The following TRAK1 variants were observed in gnomAD, a reference collection of about 807,000 sequenced individuals.
TRAK1 encodes the protein trafficking kinesin-binding protein 1.
A neutral mutation model predicts 92.1 loss-of-function variants in TRAK1; 33 were observed. That is an observed-to-expected ratio of 0.36 (90% CI 0.27 to 0.48). The LOEUF (loss-of-function observed/expected upper bound fraction) is 0.48, where lower values mean the gene tolerates loss of function less well. TRAK1 is among the 20% of genes least tolerant of loss of function. The pLI, the probability that TRAK1 is intolerant of heterozygous loss-of-function variation, is 0.99. For synonymous variants in TRAK1, 521 were observed against 517.3 expected, an observed-to-expected ratio of 1.01 and a Z score of -0.10; for missense variants, 1,123 against 1,257.9, an observed-to-expected ratio of 0.89 and a Z score of 1.62.
intron 14 of TRAK1, among the ~76,000 whole-genome samples, chr3:42,216,908 T>G (rs1164733177): frequency 2.0e-5 from 3 of 152,118 alleles, no homozygotes; most frequent in African/African-American, 7.2e-5. Context: ...TCCAAGAAAC[T>G]CTATCCTTTG....
intron 1 of TRAK1, among the ~76,000 whole-genome samples, chr3:42,064,094 C>G (rs1441585419): frequency 6.6e-6 from 1 of 152,148 alleles, no homozygotes. Context: ...CATGCCCAGC[C>G]CTTATTACTA....
chr3:42,138,155 A>G (rs901203274), intron 2 of TRAK1, among the ~76,000 whole-genome samples: 3 of 152,210 alleles, frequency 2.0e-5, no homozygotes, highest in African/African-American at 7.2e-5. Context: ...GTGATAATGT[A>G]GGAACATCTT....
At chr3:42,154,286 C>T (rs558189342) in intron 2 of TRAK1, among the ~76,000 whole-genome samples, 21 of 152,196 alleles carry the variant, frequency 1.4e-4, no homozygotes, top group African/African-American at 2.2e-4. Context: ...GATTCTCCTG[C>T]CTCAACCTCC....
intron 1 of TRAK1, among the ~76,000 whole-genome samples, chr3:42,071,654 G>A (rs1453955506): frequency 2.0e-5 from 3 of 151,570 alleles, no homozygotes; most frequent in African/African-American, 4.9e-5. Context: ...GTTGCAGTGA[G>A]CTGAGATCGC....
chr3:42,222,949 T>G lies in TRAK1; in HGVS notation c.2074T>G (p.Ser692Ala). 6.2e-7 allele frequency: 1 copy of G among 1,612,604 alleles called. No individual in the cohort carries two copies. The highest frequency in any genetic ancestry group is 8.5e-7 in the Non-Finnish European group (1 of 1,178,900). The change falls in exon 16 of 16, where the codon TCA becomes GCA. Residue 692 changes from serine to alanine, a missense_variant. Physicochemically the swap from Ser to Ala is moderately conservative, Grantham distance 99. Around this residue, in one of 3 missense-constraint regions of TRAK1, gnomAD observed 401 missense variants for 438.9 expected, o/e 0.91. Transcript: ENST00000327628. ...ELTRVTPSLN[S>A]APTPACGSTS... ...TGTCATTTCTTCTTTCAGCCTTAAC[T>G]CAGCCCCAACTCCAGCTTGTGGCAG...
intron 1 of TRAK1, among the ~76,000 whole-genome samples, chr3:42,018,950 C>T (rs549565653): frequency 3.6e-4 from 54 of 152,074 alleles, no homozygotes; most frequent in African/African-American, 1.2e-3. Context: ...GGTGAAACCC[C>T]GTCTCTATTA....
At chr3:42,113,005 A>G (rs962350221) in intron 1 of TRAK1, among the ~76,000 whole-genome samples, 1 of 152,096 alleles carries the variant, frequency 6.6e-6, no homozygotes, top group Admixed American at 6.5e-5. Context: ...TCCTAGGCTC[A>G]AGTGATCCTC....
chr3:42,123,420 C>T (rs1384921803), intron 1 of TRAK1, among the ~76,000 whole-genome samples: 1 of 151,528 alleles, frequency 6.6e-6, no homozygotes, highest in Non-Finnish European at 1.5e-5. Context: ...CAGTGAATCC[C>T]TGGCCCTGGC....
chr3:42,220,511 G>C (rs563245949), intron 15 of TRAK1: 2 of 985,340 alleles, frequency 2.0e-6, no homozygotes, highest in Non-Finnish European at 1.2e-6. Context: ...CATGTGAGGA[G>C]GACGACGAAG....
intron 1 of TRAK1, among the ~76,000 whole-genome samples, chr3:42,109,750 C>T (rs949024627): frequency 6.6e-6 from 1 of 152,102 alleles, no homozygotes; most frequent in Non-Finnish European, 1.5e-5. Context: ...GGCACATATA[C>T]ACCATGCAAT....
At chr3:42,051,904 A>T (rs576105301) in intron 1 of TRAK1, among the ~76,000 whole-genome samples, 1 of 152,088 alleles carries the variant, frequency 6.6e-6, no homozygotes, top group South Asian at 2.1e-4. Context: ...TGTGGCTGAG[A>T]TTTTTTTCCT....
intron 1 of TRAK1, among the ~76,000 whole-genome samples, chr3:42,068,911 A>T (rs529941462): frequency 6.6e-6 from 1 of 152,212 alleles, no homozygotes; most frequent in African/African-American, 2.4e-5. Context: ...AACTTGGCCA[A>T]CATCATACAG....
At chr3:42,043,226 C>T (rs890089097) in intron 1 of TRAK1, among the ~76,000 whole-genome samples, 2 of 151,926 alleles carry the variant, frequency 1.3e-5, no homozygotes, top group South Asian at 4.1e-4. Flanking sequence ...TCACTGTCCC[C>T]TCTTGCCCTC....
chr3:42,221,069 CTCTTTTT>C (rs1178650173), intron 15 of TRAK1, among the ~76,000 whole-genome samples: 1 of 106,388 alleles, frequency 9.4e-6, no homozygotes, highest in Non-Finnish European at 1.9e-5. Flanking sequence ...CAAGAGAAGG[CTCTTTTT>C]TTTTTTTTTT....
At chr3:42,110,094 G>GTATGTATATATATATATA (rs1553719379) in intron 1 of TRAK1, among the ~76,000 whole-genome samples, 1 of 83,238 alleles carries the variant, frequency 1.2e-5, no homozygotes, top group African/African-American at 5.6e-5. Flanking sequence ...AGAACTTAAA[G>GTATGTATATATATATATA]TATATATATA....
At position 42,091,553 on chromosome 3, in the gene TRAK1, CG is replaced by C; in HGVS notation, c.85del (p.Ala29ProfsTer28). 2 of 1,612,006 alleles carry C rather than the reference CG, an allele frequency of 1.2e-6. No individual in the cohort carries two copies. The highest frequency in any genetic ancestry group is 1.7e-6 in the Non-Finnish European group (2 of 1,179,450). ...LCHGKLIRTN[A>X]CDVCNSTDLP... ...GCCACGGCAAGCTCATTCGGACAAA[CG>C]CCTGTGGTAAGTTTGTTTGCCAGGT... On this transcript the variant is annotated frameshift_variant, in exon 1 of 16. Transcript: ENST00000327628. LOFTEE classifies it high-confidence loss of function.
In TRAK1 at chr3:42,111,715, A is replaced by G. The variant is rs551560467; in HGVS notation, c.92-13705A>G. On this transcript the variant is annotated intron_variant, in intron 1 of 15. Coordinates refer to ENST00000327628, the MANE Select transcript of TRAK1 (RefSeq NM_001042646.3). ...CAGCCCTAGTTATGGTAATCTTACT[A>G]AATTCAAAATGCATCTATTTTGATT... 4.6e-5 allele frequency among the ~76,000 whole-genome samples: 7 copies of G among 152,220 alleles called. No individual in the cohort carries two copies. In the South Asian group the frequency reaches 1.0e-3, roughly 23 times the overall value.
intron 1 of TRAK1, among the ~76,000 whole-genome samples, chr3:42,107,219 G>GC (rs2149048390): frequency 6.6e-6 from 1 of 152,254 alleles, no homozygotes; most frequent in South Asian, 2.1e-4. Context: ...GCAAGTCTAA[G>GC]AAATCAATTA....
intron 2 of TRAK1, chr3:42,160,277 G>T (rs1701100670): frequency 6.4e-7 from 1 of 1,572,194 alleles, no homozygotes; most frequent in Non-Finnish European, 8.6e-7. Flanking sequence ...GCCCAGGCCT[G>T]CATGGCTCCT....
Sources: gnomAD v4.1 joint callset for allele counts (sites outside exome capture counted in the v4.1 genomes callset) on GRCh38, gnomAD v4.1.1 for gene constraint, gnomAD v4.1.1 regional missense constraint, MANE v1.5 for transcripts, NCBI Gene and HGNC (gene_info 2026-07-23, HGNC 2026-07-21) for gene names.